Variants in FAM20A observed in about 807,000 individuals in gnomAD.
The protein encoded by FAM20A is FAM20A golgi associated secretory pathway pseudokinase, also known as pseudokinase FAM20A.
A neutral mutation model predicts 52.0 loss-of-function variants in FAM20A; 42 were observed. The ratio of observed to expected loss-of-function variants is 0.81; its 90% CI spans 0.63 to 1.04. The LOEUF is 1.04. Among genes scored for constraint, FAM20A ranks in the 50% least tolerant of loss-of-function variants. The probability of loss-of-function intolerance (pLI) is 0.00; values close to 1 mark genes in which losing one functional copy is unlikely to be tolerated. For missense variants in FAM20A, 742 were observed against 712.7 expected (o/e 1.04, Z -0.47); for synonymous variants, 304 against 298.9 (o/e 1.02, Z -0.18).
chr17:68,549,057 G>T (rs1275070213), intron 4 of FAM20A, among the ~76,000 whole-genome samples: 1 of 152,174 alleles, frequency 6.6e-6, no homozygotes, highest in Admixed American at 6.5e-5. Flanking sequence ...TAACTGACCA[G>T]GCAGAGATGT....
rs113263481 is a variant in FAM20A at position 68,535,808 on chromosome 17, AT to A, written c.*1668del. The A allele has an allele frequency of 1.5e-4, 63 of 430,820 alleles. No individual in the cohort carries two copies. Among genetic ancestry groups the A allele is most frequent in the South Asian group, 3.2e-4 (19 of 60,240 alleles). The allele number at this position is 430,820 out of a possible 1,614,324, so 26.7% of individuals were successfully genotyped here. A position where few individuals can be genotyped will look rare whatever the true frequency, so the allele number is the denominator to read the frequency against. On this transcript the variant is annotated 3_prime_UTR_variant, in exon 11 of 11. Transcript: ENST00000592554. ...ACAGGTGTGAGCCCATGCCCAGCTGATTTTTTTTTTAAGCAAACAAATTTGA... is the reference window on the plus strand; with the variant it reads ...ACAGGTGTGAGCCCATGCCCAGCTGATTTTTTTTTAAGCAAACAAATTTGA...
chr17:68,561,870 T>A (rs2087224186), intron 1 of FAM20A, among the ~76,000 whole-genome samples: 1 of 152,208 alleles, frequency 6.6e-6, no homozygotes, highest in Non-Finnish European at 1.5e-5. Context: ...TCACCCAGGC[T>A]GGAGTGCAGT....
intron 4 of FAM20A, among the ~76,000 whole-genome samples, chr17:68,548,727 T>A (rs1026532404): frequency 1.1e-4 from 12 of 112,986 alleles, no homozygotes; most frequent in East Asian, 6.6e-4. Context: ...GCCTGTATAT[T>A]TTTTTTTTTT....
chr17:68,558,958 A>C (rs1183679027), intron 1 of FAM20A, among the ~76,000 whole-genome samples: 2 of 152,186 alleles, frequency 1.3e-5, no homozygotes, highest in Non-Finnish European at 1.5e-5. Flanking sequence ...GGGTTTTACC[A>C]TCTTGGCCAG....
At chr17:68,551,459 G>A (rs1460131899) in intron 4 of FAM20A, 2 of 231,364 alleles carry the variant, frequency 8.6e-6, no homozygotes, top group South Asian at 1.8e-4. Context: ...AAGTGGTGGA[G>A]TGTGAACTTA....
At chr17:68,554,078 A>G (rs2086981450) in intron 3 of FAM20A, among the ~76,000 whole-genome samples, 1 of 145,770 alleles carries the variant, frequency 6.9e-6, no homozygotes, top group Admixed American at 6.8e-5. Flanking sequence ...ATATACACAC[A>G]TATATACATA....
chr17:68,542,722 G>T lies in FAM20A; in HGVS notation c.900C>A (p.Ile300=), dbSNP rs756992392. 16 of 1,613,870 alleles carry T rather than the reference G, an allele frequency of 9.9e-6. No individual in the cohort carries two copies. Among genetic ancestry groups the T allele is most frequent in the Non-Finnish European group, 1.3e-5 (15 of 1,179,882 alleles). The change falls in exon 6 of 11, where the codon ATC becomes ATA. Residue 300 remains isoleucine, a synonymous_variant. Transcript: ENST00000592554. ...GAGAGACAAAGAAAACACTCTGCAG[G>T]ATTTCATTCTTGGTGACCTCTAGGA... ...KEILEVTKNE[I]LQSVFFVSPA...
intron 4 of FAM20A, among the ~76,000 whole-genome samples, chr17:68,550,283 C>G (rs1214206483): frequency 1.4e-5 from 2 of 147,338 alleles, no homozygotes; most frequent in African/African-American, 5.0e-5. Context: ...AGCAGACATT[C>G]AATTGTCTCA....
intron 4 of FAM20A, among the ~76,000 whole-genome samples, chr17:68,550,254 T>A (rs1435836255): frequency 6.6e-6 from 1 of 152,054 alleles, no homozygotes; most frequent in Non-Finnish European, 1.5e-5. Flanking sequence ...GATGGGATTT[T>A]AAAATCAATA....
intron 3 of FAM20A, among the ~76,000 whole-genome samples, 199 bp from the exon 4 acceptor site, chr17:68,552,150 A>G (rs1419119927): frequency 6.6e-6 from 1 of 152,148 alleles, no homozygotes; most frequent in Admixed American, 6.5e-5. Flanking sequence ...GGCTCAAGAC[A>G]GTACTTTTTA....
At chr17:68,587,795 T>G (rs960744840) in intron 1 of FAM20A, among the ~76,000 whole-genome samples, 4 of 152,212 alleles carry the variant, frequency 2.6e-5, no homozygotes, top group African/African-American at 9.6e-5. Context: ...TGGAAAGGAC[T>G]CTACATGTTC....
Position 68,535,589 on chromosome 17 carries a change from C to G in FAM20A, c.*1888G>C. ...GAGACAGTGAATGAAGTGGGGAGCCCTATGCTGCAGTAGGGCCACAACAGT... is the reference window on the plus strand; with the variant it reads ...GAGACAGTGAATGAAGTGGGGAGCCGTATGCTGCAGTAGGGCCACAACAGT... On this transcript the variant is annotated 3_prime_UTR_variant, in exon 11 of 11. Transcript: ENST00000592554. 1 of 453,974 alleles carries G rather than the reference C, an allele frequency of 2.2e-6. No individual in the cohort carries two copies. Among genetic ancestry groups the G allele is most frequent in the Non-Finnish European group, 4.4e-6 (1 of 226,744 alleles). The allele number at this position is 453,974 out of a possible 1,614,324, so 28.1% of individuals were successfully genotyped here.
intron 1 of FAM20A, among the ~76,000 whole-genome samples, chr17:68,590,539 C>G (rs1408560851): frequency 6.6e-6 from 1 of 152,144 alleles, no homozygotes; most frequent in Non-Finnish European, 1.5e-5. Context: ...CACAAAAAGA[C>G]CAAAGTCGCT....
rs1311509914 is a variant in FAM20A at position 68,551,887 on chromosome 17, C to T, written c.705G>A (p.Met235Ile). Residue 235 changes from methionine (M) to isoleucine (I), a missense_variant, in exon 4 of 11, where the codon ATG becomes ATA. Physicochemically the swap from Met to Ile is conservative, Grantham distance 10 (BLOSUM62 1). Transcript: ENST00000592554. ...CAGTCACTTACCTCATGGGTTTGAA[C>T]ATGGCCTTCCCGAAATCCGAGAACC... Reference protein sequence around the residue: ...VLRFSDFGKAMFKPMRQQRDE... With the variant: ...VLRFSDFGKAIFKPMRQQRDE... The T allele has an allele frequency of 1.3e-6, 2 of 1,585,290 alleles. No individual in the cohort carries two copies. The highest frequency in any genetic ancestry group is 1.7e-5 in the Admixed American group (1 of 57,236).
rs886908446 is a variant in FAM20A at position 68,539,936 on chromosome 17, A to G, written c.1250T>C (p.Phe417Ser). 1.2e-6 allele frequency: 2 copies of G among 1,614,174 alleles called. No homozygotes were observed. The highest frequency in any genetic ancestry group is 1.7e-6 in the Non-Finnish European group (2 of 1,180,030). ...GAACCCATCATCCCCGAACTTGGTG[A>G]ACATCTCATAATGGTGCCGGTCCAT... is the stretch of plus-strand genomic sequence containing the variant. ...GNMDRHHYEM[F>S]TKFGDDGFLI... The change falls in exon 9 of 11, where the codon TTC (phenylalanine) becomes TCC (serine). Residue 417 changes from phenylalanine (F) to serine (S), a missense_variant. Physicochemically the swap from Phe to Ser is radical, Grantham distance 155. Coordinates refer to ENST00000592554, the MANE Select transcript of FAM20A (RefSeq NM_017565.4).
chr17:68,536,729 C>CT lies in FAM20A; in HGVS notation c.*747dup, dbSNP rs1568713874. 3 of 453,860 alleles carry CT rather than the reference C, an allele frequency of 6.6e-6. No individual in the cohort carries two copies. The Admixed American group carries it at 7.1e-5, about 11-fold the overall frequency. The allele number at this position is 453,860 out of a possible 1,614,324, so 28.1% of individuals were successfully genotyped here. A position where few individuals can be genotyped will look rare whatever the true frequency, so the allele number is the denominator to read the frequency against. On this transcript the variant is annotated 3_prime_UTR_variant, in exon 11 of 11. Coordinates refer to ENST00000592554, the MANE Select transcript of FAM20A (RefSeq NM_017565.4). ...CCCATGCCATCCTGACCTTGGAGGACTTTCCTTTTTTTTTCCTTCGTTGTA... is the reference window on the plus strand; with the variant it reads ...CCCATGCCATCCTGACCTTGGAGGACTTTTCCTTTTTTTTTCCTTCGTTGTA...
intron 3 of FAM20A, among the ~76,000 whole-genome samples, chr17:68,554,004 ATG>A (rs1344288436): frequency 2.4e-5 from 3 of 125,940 alleles, no homozygotes; most frequent in East Asian, 2.1e-4. Context: ...ACACACATAT[ATG>A]CATATATACA....
intron 1 of FAM20A, among the ~76,000 whole-genome samples, chr17:68,584,541 A>G (rs973166511): frequency 6.6e-6 from 1 of 152,214 alleles, no homozygotes; most frequent in Non-Finnish European, 1.5e-5. Context: ...TTTTGAAAGT[A>G]GACGCAAAGG....
Position 68,600,719 on chromosome 17 carries a change from C to G in FAM20A, c.-53G>C. 6.6e-7 allele frequency: 1 copy of G among 1,514,138 alleles called. No individual in the cohort carries two copies. The highest frequency in any genetic ancestry group is 8.8e-7 in the Non-Finnish European group (1 of 1,137,228). 93.8% of individuals were successfully genotyped at this position (1,514,138 alleles called of 1,614,324 possible). A position where few individuals can be genotyped will look rare whatever the true frequency, so the allele number is the denominator to read the frequency against. Reference sequence around the variant, plus strand: ...GGCAGGCCGGCTGTCTCCGGGGTCCCGGGAGGGGTCGCGGGGTGCGGGCAG... The same window carrying G: ...GGCAGGCCGGCTGTCTCCGGGGTCCGGGGAGGGGTCGCGGGGTGCGGGCAG... On this transcript the variant is annotated 5_prime_UTR_variant, in exon 1 of 11. Transcript: ENST00000592554. This position sits in a 1 kb window ranked among gnomAD's most constrained non-coding sequence, Gnocchi z 6.2.
Sources: gnomAD v4.1 joint callset for allele counts (sites outside exome capture counted in the v4.1 genomes callset) on GRCh38, gnomAD v4.1.1 for gene constraint, Gnocchi (gnomAD v3.1) non-coding constraint, MANE v1.5 for transcripts, NCBI Gene and HGNC (gene_info 2026-07-23, HGNC 2026-07-21) for gene names.